Variants in RPS6KA5 observed in about 807,000 individuals in gnomAD.
RPS6KA5 encodes the protein ribosomal protein S6 kinase A5, also known as ribosomal protein S6 kinase alpha-5.
A neutral mutation model predicts 85.5 loss-of-function variants in RPS6KA5; 27 were observed. That is an observed-to-expected ratio of 0.32 (90% CI 0.23 to 0.44). The LOEUF is 0.44. Ranked by LOEUF, RPS6KA5 falls within the 20% of genes least tolerant of loss-of-function variation. The pLI, the probability that RPS6KA5 is intolerant of heterozygous loss-of-function variation, is 1.00. For synonymous variants in RPS6KA5, 334 were observed against 348.2 expected, an observed-to-expected ratio of 0.96 and a Z score of 0.46; for missense variants, 811 against 980.9, an observed-to-expected ratio of 0.83 and a Z score of 2.31.
chr14:90,942,937 A>G, intron 5 of RPS6KA5, 141 bp downstream of exon 5: 1 of 636,336 alleles, frequency 1.6e-6, no homozygotes, highest in Non-Finnish European at 2.8e-6. Flanking sequence ...TAAACTAAAA[A>G]TCTCTACATT....
chr14:90,972,504 T>G (rs1284328271), intron 3 of RPS6KA5, among the ~76,000 whole-genome samples: 1 of 152,216 alleles, frequency 6.6e-6, no homozygotes, highest in Non-Finnish European at 1.5e-5. Context: ...CTCAACTCAA[T>G]GTAAATGTGG....
chr14:91,027,651 T>C (rs1348154388), intron 1 of RPS6KA5, among the ~76,000 whole-genome samples: 1 of 152,226 alleles, frequency 6.6e-6, no homozygotes, highest in Non-Finnish European at 1.5e-5. Context: ...TTCTCCCTCA[T>C]TCTGCATGTC....
chr14:91,035,861 A>C lies in RPS6KA5; in HGVS notation c.103+24471T>G, dbSNP rs1235185448. ...ACCCTCACCTTCAAAAAAAAAAAAA[A>C]AAAAAAAAAAAAAAAAAAAACCCCA... On this transcript the variant is annotated intron_variant, in intron 1 of 16. Transcript: ENST00000614987. Among the ~76,000 whole-genome samples the C allele has an allele frequency of 3.1e-4, 42 of 135,120 alleles. 1 individual carries two copies. Among genetic ancestry groups the C allele is most frequent in the South Asian group, 6.8e-4 (3 of 4,440 alleles). The allele number at this position is 135,120 out of a possible 152,430, so 88.6% of individuals were successfully genotyped here.
chr14:90,873,760 T>C lies in RPS6KA5; in HGVS notation c.2032A>G (p.Met678Val), dbSNP rs2033275866. The C allele has an allele frequency of 6.2e-7, 1 of 1,613,968 alleles. No homozygotes were observed. Among genetic ancestry groups the C allele is most frequent in the Admixed American group, 1.7e-5 (1 of 60,006 alleles). ...CATTCATTGTACCTCAAGCCAGACA[T>C]TTTAAGCCTTTTGTTTGGATCTACT... ...LTVDPNKRLK[M>V]SGLRYNEWLQ... Residue 678 changes from methionine to valine, a missense_variant, in exon 16 of 17, where the codon ATG becomes GTG. Physicochemically the swap from Met to Val is conservative, Grantham distance 21 (BLOSUM62 1). This residue lies in a region of RPS6KA5 where 650 missense variants were observed against 793.4 expected (regional missense o/e 0.82). Coordinates refer to ENST00000614987, the MANE Select transcript of RPS6KA5 (RefSeq NM_004755.4).
chr14:90,900,083 A>T, intron 11 of RPS6KA5, 25 bp downstream of exon 11: 1 of 1,547,308 alleles, frequency 6.5e-7, no homozygotes. Flanking sequence ...CCTAAGAAAG[A>T]ATATTATATT....
chr14:90,904,709 C>A (rs893366517), intron 8 of RPS6KA5, among the ~76,000 whole-genome samples: 2 of 152,120 alleles, frequency 1.3e-5, no homozygotes, highest in African/African-American at 4.8e-5. Context: ...CACCTCCGCT[C>A]CATTTATAGA....
chr14:91,029,057 GTATC>G (rs2042089297), intron 1 of RPS6KA5, among the ~76,000 whole-genome samples: 2 of 152,224 alleles, frequency 1.3e-5, no homozygotes, highest in Admixed American at 6.5e-5. Context: ...AAGTTTTAAA[GTATC>G]TATAATATCT....
intron 2 of RPS6KA5, among the ~76,000 whole-genome samples, chr14:91,000,879 A>G (rs1402900668): frequency 6.6e-6 from 1 of 152,166 alleles, no homozygotes; most frequent in Non-Finnish European, 1.5e-5. Context: ...GCAGGGTAAA[A>G]GGGATTGGTT....
At chr14:90,936,651 T>C (rs2037276008) in intron 5 of RPS6KA5, among the ~76,000 whole-genome samples, 1 of 152,228 alleles carries the variant, frequency 6.6e-6, no homozygotes, top group African/African-American at 2.4e-5. Context: ...GAATTTGTTA[T>C]GTTCACCATT....
At chr14:90,887,948 A>G (rs920306028) in intron 14 of RPS6KA5, among the ~76,000 whole-genome samples, 2 of 146,134 alleles carry the variant, frequency 1.4e-5, no homozygotes, top group African/African-American at 2.5e-5. Flanking sequence ...GCTATCGCAA[A>G]AAAAAAAAAA....
intron 5 of RPS6KA5, among the ~76,000 whole-genome samples, chr14:90,940,017 T>C (rs2037484408): frequency 6.6e-6 from 1 of 152,120 alleles, no homozygotes; most frequent in Non-Finnish European, 1.5e-5. Context: ...ACTTCCTAAA[T>C]AGGTGCTGGG....
intron 14 of RPS6KA5, among the ~76,000 whole-genome samples, chr14:90,879,160 G>A (rs1381842516): frequency 6.6e-6 from 1 of 152,228 alleles, no homozygotes; most frequent in Non-Finnish European, 1.5e-5. Flanking sequence ...ATCAGCAGAT[G>A]CCTTGATTCA....
At chr14:91,030,609 C>CAAAAAAAAAAAAAAAAAAAAAAAAAAA (rs1566885218) in intron 1 of RPS6KA5, among the ~76,000 whole-genome samples, 1 of 956 alleles carries the variant, frequency 1.0e-3, no homozygotes, top group Non-Finnish European at 2.2e-3. Context: ...CCAAAATAAA[C>CAAAAAAAAAAAAAAAAAAAAAAAAAAA]AGAAAAAAAA....
rs1261977651 is a variant in RPS6KA5, at chr14:90,848,333, A to G, written c.*23741T>C. 1.3e-5 allele frequency: 2 copies of G among 152,242 alleles called. No homozygotes were observed. The highest frequency in any genetic ancestry group is 1.9e-4 in the East Asian group (1 of 5,206). 9.4% of individuals were successfully genotyped at this position (152,242 alleles called of 1,614,324 possible). A position where few individuals can be genotyped will look rare whatever the true frequency, so the allele number is the denominator to read the frequency against. On this transcript the variant is annotated 3_prime_UTR_variant, in exon 17 of 17. Transcript: ENST00000614987. ...TATAGCAACGAAGGGAACATGGAAC[A>G]TTAGCCCTCCTAAACAATTCCAGAA...
intron 14 of RPS6KA5, among the ~76,000 whole-genome samples, chr14:90,880,046 G>A (rs1211360918): frequency 1.3e-5 from 2 of 152,042 alleles, no homozygotes; most frequent in Non-Finnish European, 1.5e-5. Flanking sequence ...TGATCTACCC[G>A]CCTTGGCCTC....
chr14:90,918,327 T>C (rs2036228802), intron 7 of RPS6KA5, among the ~76,000 whole-genome samples: 1 of 152,222 alleles, frequency 6.6e-6, no homozygotes, highest in Admixed American at 6.5e-5. Flanking sequence ...CACCTACACA[T>C]CTTCTCTGAT....
intron 7 of RPS6KA5, among the ~76,000 whole-genome samples, chr14:90,917,361 T>C (rs745547867): frequency 6.6e-6 from 1 of 152,242 alleles, no homozygotes; most frequent in Non-Finnish European, 1.5e-5. Context: ...AACAGTTTTA[T>C]TGAAGTACAA....
rs17224313 is a variant in RPS6KA5, at chr14:90,890,025, C to T, written c.1836+462G>A. ...CCAAGGACATTTTGTGAAAAGCATG[C>T]TCACATTACTTTAAGTTACGTAGTA... On this transcript the variant is annotated intron_variant, in intron 14 of 16. Coordinates refer to ENST00000614987, the MANE Select transcript of RPS6KA5 (RefSeq NM_004755.4). Among the ~76,000 whole-genome samples, 930 of 152,276 alleles carry T rather than the reference C, an allele frequency of 6.1e-3. 5 individuals are homozygous for T. Among genetic ancestry groups the T allele is most frequent in the Non-Finnish European group, 8.7e-3 (591 of 68,016 alleles).
chr14:90,988,479 A>T (rs1381596776), intron 2 of RPS6KA5, among the ~76,000 whole-genome samples: 2 of 152,224 alleles, frequency 1.3e-5, no homozygotes, highest in African/African-American at 4.8e-5. Context: ...CCTATACTAC[A>T]CTAAGATGGT....
Sources: gnomAD v4.1 joint callset for allele counts (sites outside exome capture counted in the v4.1 genomes callset) on GRCh38, gnomAD v4.1.1 for gene constraint, gnomAD v4.1.1 regional missense constraint, MANE v1.5 for transcripts, NCBI Gene and HGNC (gene_info 2026-07-23, HGNC 2026-07-21) for gene names.